Variants in ELMOD1 observed in about 807,000 individuals in gnomAD.
The protein encoded by ELMOD1 is ELMO domain containing 1, also known as ELMO domain-containing protein 1.
Under a neutral mutation model 46.7 loss-of-function variants are expected in ELMOD1, and 21 were observed. That is an observed-to-expected ratio of 0.45 (90% confidence interval 0.32 to 0.65). The LOEUF (loss-of-function observed/expected upper bound fraction) is 0.65. Ranked by LOEUF, ELMOD1 falls within the 30% of genes least tolerant of loss-of-function variation. The pLI, the probability that ELMOD1 is intolerant of heterozygous loss-of-function variation, is 0.04. For synonymous variants in ELMOD1, 122 were observed against 138.2 expected, an observed-to-expected ratio of 0.88 and a Z score of 0.82; for missense variants, 348 against 407.8, an observed-to-expected ratio of 0.85 and a Z score of 1.26.
intron 2 of ELMOD1, among the ~76,000 whole-genome samples, chr11:107,628,063 C>A (rs1377029828): frequency 6.6e-6 from 1 of 150,904 alleles, no homozygotes; most frequent in Non-Finnish European, 1.5e-5. Flanking sequence ...TGCTGGGGAC[C>A]AGTTAACAAG....
At chr11:107,662,068 T>A (rs1591142371) in intron 11 of ELMOD1, among the ~76,000 whole-genome samples, 1 of 152,060 alleles carries the variant, frequency 6.6e-6, no homozygotes, top group Non-Finnish European at 1.5e-5. Flanking sequence ...AACACTTGAG[T>A]TGGGGAAGGA....
intron 1 of ELMOD1, among the ~76,000 whole-genome samples, chr11:107,596,765 A>G (rs1463482698): frequency 6.6e-6 from 1 of 152,180 alleles, no homozygotes; most frequent in African/African-American, 2.4e-5. Flanking sequence ...TGTGAATCCA[A>G]TATATTAAAA....
chr11:107,627,365 C>T (rs1866061233), intron 2 of ELMOD1, among the ~76,000 whole-genome samples: 1 of 152,240 alleles, frequency 6.6e-6, no homozygotes, highest in Non-Finnish European at 1.5e-5. Context: ...TGATTTACTT[C>T]ACAGAGTGGT....
chr11:107,646,554 G>A (rs1017510124), intron 6 of ELMOD1, among the ~76,000 whole-genome samples: 1 of 152,004 alleles, frequency 6.6e-6, no homozygotes, highest in Non-Finnish European at 1.5e-5. Flanking sequence ...GGCCGATGTG[G>A]TAAAACCCCG....
chr11:107,656,983 G>T (rs1243361737), intron 11 of ELMOD1, among the ~76,000 whole-genome samples: 1 of 152,078 alleles, frequency 6.6e-6, no homozygotes, highest in Non-Finnish European at 1.5e-5. Flanking sequence ...GAAAAATAGT[G>T]GTGAAAACTA....
chr11:107,602,528 G>C (rs1865618003), intron 1 of ELMOD1, among the ~76,000 whole-genome samples: 1 of 151,908 alleles, frequency 6.6e-6, no homozygotes, highest in Admixed American at 6.6e-5. Context: ...CCTCAAATTT[G>C]ATAGATATTT....
chr11:107,634,834 T>G (rs1866200401), intron 5 of ELMOD1, among the ~76,000 whole-genome samples: 2 of 152,178 alleles, frequency 1.3e-5, no homozygotes, highest in African/African-American at 4.8e-5. Context: ...TCCCTAGAGA[T>G]TAGAAGACTC....
At chr11:107,650,718 GAT>G (rs1335061215) in intron 8 of ELMOD1, among the ~76,000 whole-genome samples, 165 bp from the exon 9 acceptor site, 2 of 152,160 alleles carry the variant, frequency 1.3e-5, no homozygotes, top group Non-Finnish European at 2.9e-5. Context: ...AGACAAGAAA[GAT>G]GATGGGGGAA....
At chr11:107,596,230 G>A (rs1865490806) in intron 1 of ELMOD1, among the ~76,000 whole-genome samples, 1 of 151,852 alleles carries the variant, frequency 6.6e-6, no homozygotes, top group Non-Finnish European at 1.5e-5. Context: ...GCTACCATAT[G>A]TTTTGAAGGT....
At chr11:107,633,706 C>A (rs947259464) in intron 5 of ELMOD1, among the ~76,000 whole-genome samples, 2 of 152,170 alleles carry the variant, frequency 1.3e-5, no homozygotes, top group Admixed American at 1.3e-4. Flanking sequence ...GCTGAGATTA[C>A]AGGCGTAAGA....
At chr11:107,647,429 G>C in intron 6 of ELMOD1, 39 bp from the exon 7 acceptor site, 1 of 1,583,816 alleles carries the variant, frequency 6.3e-7, no homozygotes, top group South Asian at 1.2e-5. Context: ...AATAGGAAAG[G>C]GTGTATCAAC....
chr11:107,627,991 G>A (rs531769177), intron 2 of ELMOD1, among the ~76,000 whole-genome samples: 1 of 151,522 alleles, frequency 6.6e-6, no homozygotes, highest in South Asian at 2.1e-4. Flanking sequence ...GTAATTAATA[G>A]TATATATTAA....
chr11:107,595,039 A>C (rs1323901330), intron 1 of ELMOD1, among the ~76,000 whole-genome samples: 1 of 152,190 alleles, frequency 6.6e-6, no homozygotes, highest in Non-Finnish European at 1.5e-5. Context: ...TTGATGATCA[A>C]ACCACTGCAG....
chr11:107,659,765 G>A (rs956825059), intron 11 of ELMOD1, among the ~76,000 whole-genome samples: 1 of 151,800 alleles, frequency 6.6e-6, no homozygotes, highest in Non-Finnish European at 1.5e-5. Context: ...GTTTCTGTGG[G>A]AAATTTTCTC....
At chr11:107,645,693 A>G (rs1211194275) in intron 6 of ELMOD1, among the ~76,000 whole-genome samples, 1 of 152,196 alleles carries the variant, frequency 6.6e-6, no homozygotes, top group African/African-American at 2.4e-5. Context: ...GAGATTTTGT[A>G]TATTCATGCT....
intron 1 of ELMOD1, among the ~76,000 whole-genome samples, chr11:107,615,873 G>T (rs1865853945): frequency 6.6e-6 from 1 of 151,186 alleles, no homozygotes; most frequent in Non-Finnish European, 1.5e-5. Flanking sequence ...GTTTGGGGGA[G>T]TAAAGTGCCA....
chr11:107,650,394 C>T lies in ELMOD1; in HGVS notation c.614C>T (p.Pro205Leu), dbSNP rs199532976. 107 of 1,587,126 alleles carry T rather than the reference C, an allele frequency of 6.7e-5. No individual in the cohort carries two copies. The African/African-American group carries it at 7.2e-4, about 11-fold the overall frequency. ...AQQVLSDSLHPKCRDITKEEI... is the reference protein window; with the variant it reads ...AQQVLSDSLHLKCRDITKEEI... ...CAGGTCCTGTCTGACTCTCTTCATCCGAAATGCAGGTAATTGTTGAAAGTA... is the reference window on the plus strand; with the variant it reads ...CAGGTCCTGTCTGACTCTCTTCATCTGAAATGCAGGTAATTGTTGAAAGTA... Residue 205 changes from proline (P) to leucine (L), a missense_variant, in exon 8 of 12, where the codon CCG (proline) becomes CTG (leucine). By Grantham distance (98) the Pro-to-Leu change is moderately conservative. Transcript: ENST00000265840.
At chr11:107,591,904 G>A (rs1462217343) in intron 1 of ELMOD1, 4 of 497,300 alleles carry the variant, frequency 8.0e-6, no homozygotes, top group Non-Finnish European at 1.7e-5. Flanking sequence ...TCCGCGCAGC[G>A]AGCTGGGAGG....
chr11:107,592,172 G>A (rs1865410737), intron 1 of ELMOD1: 1 of 374,938 alleles, frequency 2.7e-6, no homozygotes. Context: ...TCTAAGCGGC[G>A]AGTTCGGTAA....
Sources: allele counts gnomAD v4.1 joint callset (sites outside exome capture counted in the v4.1 genomes callset), GRCh38; gene constraint gnomAD v4.1.1; transcripts MANE v1.5; gene names NCBI Gene and HGNC (gene_info 2026-07-23, HGNC 2026-07-21).